Variants in TP53BP1 observed in about 807,000 individuals in gnomAD.
TP53BP1 encodes the protein tumor protein p53 binding protein 1, also known as TP53-binding protein 1.
TP53BP1 carries 61 observed loss-of-function variants against 200.8 expected under a neutral mutation model. That is an observed-to-expected ratio of 0.30 (90% CI 0.25 to 0.38). The LOEUF is 0.38. TP53BP1 is among the 10% of genes least tolerant of loss of function. The pLI is 1.00. For missense variants in TP53BP1, 2,144 were observed against 2,371.9 expected (o/e 0.90, Z 2.00); for synonymous variants, 822 against 844.3 (o/e 0.97, Z 0.46).
Position 43,415,817 on chromosome 15 carries a change from A to C in TP53BP1, c.4874-8T>G, listed in dbSNP as rs768781465. On this transcript the variant is annotated splice_polypyrimidine_tract_variant and splice_region_variant and intron_variant, in intron 22 of 27. Coordinates refer to ENST00000382044, the MANE Select transcript of TP53BP1 (RefSeq NM_001141980.3). ...TCCCTTCCACCAAATTGTCTATGGCAGGATAAGCCAAACAGGTTGGTCAAA... is the reference window on the plus strand; with the variant it reads ...TCCCTTCCACCAAATTGTCTATGGCCGGATAAGCCAAACAGGTTGGTCAAA... The C allele has an allele frequency of 1.1e-5, 17 of 1,612,942 alleles. No individual in the cohort carries two copies. The South Asian group carries it at 1.9e-4, about 18-fold the overall frequency.
At chr15:43,463,187 A>G (rs1187232469) in intron 11 of TP53BP1, among the ~76,000 whole-genome samples, 2 of 152,266 alleles carry the variant, frequency 1.3e-5, no homozygotes, top group Non-Finnish European at 2.9e-5. Flanking sequence ...AAATTAATAC[A>G]TATATCAAGA....
rs1367506065 is a variant in TP53BP1, at chr15:43,447,436, T to C, written c.2766A>G (p.Pro922=). The change falls in exon 13 of 28, where the codon CCA becomes CCG. Residue 922 remains proline, a synonymous_variant. Transcript: ENST00000382044. ...TLPKEGDIIP[P]LTGATPPLIG... ...TAAGAGGTGGGGTTGCACCAGTCAATGGTGGGATGATATCACCTTCTTTAG... is the reference window on the plus strand; with the variant it reads ...TAAGAGGTGGGGTTGCACCAGTCAACGGTGGGATGATATCACCTTCTTTAG... The C allele has an allele frequency of 4.4e-6, 7 of 1,586,736 alleles. No homozygotes were observed. The highest frequency in any genetic ancestry group is 5.1e-6 in the Non-Finnish European group (6 of 1,172,756).
chr15:43,426,649 C>T (rs1335125800), intron 18 of TP53BP1, among the ~76,000 whole-genome samples: 1 of 151,866 alleles, frequency 6.6e-6, no homozygotes, highest in African/African-American at 2.4e-5. Context: ...GAGTTTAACT[C>T]TCCCTGAGTA....
chr15:43,440,878 G>A (rs1234422221), intron 15 of TP53BP1, among the ~76,000 whole-genome samples: 2 of 152,286 alleles, frequency 1.3e-5, no homozygotes, highest in East Asian at 3.9e-4. Context: ...AACAGAGCAA[G>A]ATTCTGTCTC....
At chr15:43,495,049 G>C (rs1226585438), upstream of TP53BP1, among the ~76,000 whole-genome samples, 1 of 152,106 alleles carries the variant, frequency 6.6e-6, no homozygotes, top group Non-Finnish European at 1.5e-5. Context: ...AAAATTAGCT[G>C]GGTGTGGTGG....
Position 43,421,899 on chromosome 15 carries a change from T to C in TP53BP1, c.4056A>G (p.Ala1352=), listed in dbSNP as rs2045410160. 1.5e-5 allele frequency: 25 copies of C among 1,614,118 alleles called. No individual in the cohort carries two copies. The East Asian group carries it at 5.3e-4, about 35-fold the overall frequency. The change falls in exon 19 of 28, where the codon GCA becomes GCG. Residue 1352 remains alanine (A), a synonymous_variant. Coordinates refer to ENST00000382044, the MANE Select transcript of TP53BP1 (RefSeq NM_001141980.3). ...LRGKTSGTEP[A]DFALPSSRGG... is the part of the protein sequence containing the mutation. ...CTCGGGAGCTGGGTAAGGCAAAATC[T>C]GCGGGTTCTGTCCCGCTGGTTTTCC...
intron 18 of TP53BP1, among the ~76,000 whole-genome samples, chr15:43,425,808 TA>T (rs1279240657): frequency 6.6e-6 from 1 of 152,178 alleles, no homozygotes; most frequent in East Asian, 1.9e-4. Flanking sequence ...AAAATCTTTT[TA>T]AAACATTTTT....
intron 23 of TP53BP1, chr15:43,414,237 G>A: frequency 2.5e-6 from 1 of 407,876 alleles, no homozygotes; most frequent in Non-Finnish European, 5.0e-6. Flanking sequence ...GTCATCTTGG[G>A]AAAGTTAGCC....
chr15:43,509,370 G>C (rs1023735765), intron 1 of TP53BP1, among the ~76,000 whole-genome samples: 6 of 152,138 alleles, frequency 3.9e-5, no homozygotes, highest in African/African-American at 1.4e-4. Context: ...CTGTTTTCCT[G>C]TAACACATGC....
At chr15:43,444,321 G>C (rs1240474037) in intron 14 of TP53BP1, among the ~76,000 whole-genome samples, 1 of 152,126 alleles carries the variant, frequency 6.6e-6, no homozygotes, top group Non-Finnish European at 1.5e-5. Flanking sequence ...TGCCCAGGCT[G>C]GTCTTGTACT....
chr15:43,435,324 A>C (rs894521349), intron 16 of TP53BP1, among the ~76,000 whole-genome samples: 1 of 150,580 alleles, frequency 6.6e-6, no homozygotes, highest in African/African-American at 2.4e-5. Flanking sequence ...ATACATCTCC[A>C]TATTTAACAA....
Position 43,415,782 on chromosome 15 carries a change from C to T in TP53BP1, c.4901G>A (p.Arg1634Gln). The change falls in exon 23 of 28, where the codon CGG becomes CAG. Residue 1634 changes from arginine (R) to glutamine (Q), a missense_variant. Physicochemically the swap from Arg to Gln is conservative, Grantham distance 43. Transcript: ENST00000382044. ...LDNLVEGKRK[R>Q]RSNVSSPATP... is the part of the protein sequence containing the mutation. The stretch of plus-strand genomic sequence containing the variant: ...GGCTGGGGAGCTGACGTTACTGCGC[C>T]GTTTCCGCTTCCCTTCCACCAAATT... The T allele has an allele frequency of 6.2e-7, 1 of 1,614,066 alleles. No homozygotes were observed. The highest frequency in any genetic ancestry group is 8.5e-7 in the Non-Finnish European group (1 of 1,179,956).
chr15:43,421,704 A>G (rs1484035660), intron 19 of TP53BP1, 151 bp downstream of exon 19: 1 of 1,163,698 alleles, frequency 8.6e-7, no homozygotes, highest in East Asian at 2.5e-5. Flanking sequence ...CAAACCCAAA[A>G]CAGGAAGAGA....
chr15:43,436,730 G>A (rs1429489400), intron 16 of TP53BP1, among the ~76,000 whole-genome samples: 1 of 151,044 alleles, frequency 6.6e-6, no homozygotes, highest in Non-Finnish European at 1.5e-5. Context: ...TAATCCTCAT[G>A]CTTTGGCCTC....
rs372783311 is a variant in TP53BP1 at position 43,430,173 on chromosome 15, T to A, written c.3676-2005A>T. On this transcript the variant is annotated intron_variant, in intron 17 of 27. Coordinates refer to ENST00000382044, the MANE Select transcript of TP53BP1 (RefSeq NM_001141980.3). The stretch of plus-strand genomic sequence containing the variant: ...AATGAAAATAAAACCACACTTTCCC[T>A]TCCACCTGGTTCCACGTCCTTTTTG... Among the ~76,000 whole-genome samples the A allele has an allele frequency of 6.6e-5, 10 of 152,220 alleles. No individual in the cohort carries two copies. The East Asian group carries it at 7.7e-4, about 12-fold the overall frequency.
intron 11 of TP53BP1, among the ~76,000 whole-genome samples, chr15:43,467,791 T>C (rs566105655): frequency 1.2e-4 from 18 of 150,752 alleles, no homozygotes; most frequent in Admixed American, 4.6e-4. Context: ...TTAAACTCTT[T>C]TTTTTTTTTT....
intron 12 of TP53BP1, 151 bp from the exon 13 acceptor site, chr15:43,447,636 C>T (rs911921481): frequency 2.9e-6 from 2 of 696,680 alleles, no homozygotes; most frequent in African/African-American, 3.7e-5. Context: ...TGCCACCACC[C>T]TCACCAGGCC....
intron 1 of TP53BP1, among the ~76,000 whole-genome samples, chr15:43,502,876 C>T (rs2079216685): frequency 1.3e-5 from 2 of 152,000 alleles, no homozygotes; most frequent in South Asian, 4.2e-4. Flanking sequence ...GTACAACCTC[C>T]CAAGTAGCTG....
At chr15:43,437,194 A>G (rs947963241) in intron 16 of TP53BP1, among the ~76,000 whole-genome samples, 1 of 152,100 alleles carries the variant, frequency 6.6e-6, no homozygotes, top group African/African-American at 2.4e-5. Context: ...AATTAATTCC[A>G]TTAAGTCTGA....
Sources: gnomAD v4.1 joint callset for allele counts (sites outside exome capture counted in the v4.1 genomes callset) on GRCh38, gnomAD v4.1.1 for gene constraint, MANE v1.5 for transcripts, NCBI Gene and HGNC (gene_info 2026-07-23, HGNC 2026-07-21) for gene names.